The following ELOVL7 variants were observed in gnomAD, a reference collection of about 807,000 sequenced individuals.
The protein encoded by ELOVL7 is ELOVL fatty acid elongase 7, also known as very long chain fatty acid elongase 7.
Under a neutral mutation model 35.7 loss-of-function variants are expected in ELOVL7, and 27 were observed. The ratio of observed to expected loss-of-function variants is 0.76; its 90% CI spans 0.56 to 1.04. The LOEUF is 1.04. Ranked by LOEUF, ELOVL7 falls within the 50% of genes least tolerant of loss-of-function variation. ELOVL7 has a pLI of 0.00. For synonymous variants in ELOVL7, 113 were observed against 114.6 expected (o/e 0.99, Z 0.09); for missense variants, 327 against 340.8 (o/e 0.96, Z 0.32).
Position 60,787,434 on chromosome 5 carries a change from T to C in ELOVL7, c.-34-3A>G, listed in dbSNP as rs751863850. On this transcript the variant is annotated splice_polypyrimidine_tract_variant and splice_region_variant and intron_variant, in intron 2 of 8. Coordinates refer to ENST00000508821, the MANE Select transcript of ELOVL7 (RefSeq NM_024930.3). The stretch of plus-strand genomic sequence containing the variant: ...TTTACTGGCTCTTTTAATGGGTTCT[T>C]CAGTAAAATAAAACAGAAATGAGTT... 2 of 1,480,000 alleles carry C rather than the reference T, an allele frequency of 1.4e-6. No homozygotes were observed. The highest frequency in any genetic ancestry group is 1.3e-5 in the South Asian group (1 of 79,432). The allele number at this position is 1,480,000 out of a possible 1,614,324, so 91.7% of individuals were successfully genotyped here.
At chr5:60,778,839 G>T (rs1001671717) in intron 3 of ELOVL7, among the ~76,000 whole-genome samples, 6 of 152,152 alleles carry the variant, frequency 3.9e-5, no homozygotes, top group African/African-American at 1.4e-4. Context: ...TCTCATCTGA[G>T]ACAAGGCAAG....
intron 1 of ELOVL7, among the ~76,000 whole-genome samples, chr5:60,819,355 G>A (rs552691478): frequency 6.6e-6 from 1 of 152,164 alleles, no homozygotes; most frequent in East Asian, 1.9e-4. Flanking sequence ...ATGTACTGAC[G>A]GTTAGAAGAA....
intron 2 of ELOVL7, among the ~76,000 whole-genome samples, chr5:60,789,589 T>C (rs543275301): frequency 6.6e-6 from 1 of 152,322 alleles, no homozygotes; most frequent in South Asian, 2.1e-4. Context: ...ATGCATACTT[T>C]TAACACAGCA....
chr5:60,781,233 A>G (rs963597458), intron 3 of ELOVL7, among the ~76,000 whole-genome samples: 1 of 151,542 alleles, frequency 6.6e-6, no homozygotes, highest in African/African-American at 2.4e-5. Flanking sequence ...AAAAGGAAAG[A>G]AAAACAAAAT....
chr5:60,754,436 G>A lies in ELOVL7; in HGVS notation c.*188C>T, dbSNP rs1741409165. 1.7e-6 allele frequency: 1 copy of A among 581,924 alleles called. No individual in the cohort carries two copies. The highest frequency in any genetic ancestry group is 3.0e-6 in the Non-Finnish European group (1 of 331,120). The allele number at this position is 581,924 out of a possible 1,614,324, so 36.0% of individuals were successfully genotyped here. On this transcript the variant is annotated 3_prime_UTR_variant, in exon 9 of 9. Transcript: ENST00000508821. ...ACAAAAACAAATTCTGGCTGCTGTA[G>A]GCTCTAATTATCAGAAGACTGTTAT...
intron 7 of ELOVL7, among the ~76,000 whole-genome samples, chr5:60,760,739 C>T (rs1741858846): frequency 6.6e-6 from 1 of 152,086 alleles, no homozygotes; most frequent in Non-Finnish European, 1.5e-5. Context: ...AATGGTAATG[C>T]TTAGGTTTTC....
chr5:60,772,139 G>A (rs750688734), intron 3 of ELOVL7, 46 bp from the exon 4 acceptor site: 1 of 1,290,690 alleles, frequency 7.7e-7, no homozygotes, highest in Non-Finnish European at 1.1e-6. Context: ...TAGCCAAGGG[G>A]TAACTAACAG....
intron 1 of ELOVL7, among the ~76,000 whole-genome samples, chr5:60,810,468 T>TAG (rs891744690): frequency 1.7e-4 from 26 of 152,240 alleles, no homozygotes; most frequent in African/African-American, 5.5e-4. Context: ...GAATTCATGT[T>TAG]AGAAACATTA....
At chr5:60,773,587 C>A (rs934039192) in intron 3 of ELOVL7, among the ~76,000 whole-genome samples, 2 of 152,078 alleles carry the variant, frequency 1.3e-5, no homozygotes, top group Admixed American at 1.3e-4. Context: ...GCCAAAGAGT[C>A]AAGAGTCAGC....
intron 8 of ELOVL7, 38 bp from the exon 9 acceptor site, chr5:60,754,871 T>G: frequency 1.3e-6 from 2 of 1,573,210 alleles, no homozygotes; most frequent in Non-Finnish European, 1.7e-6. Context: ...TATTCAGATA[T>G]GAAGAGTTAA....
chr5:60,771,761 T>C, intron 4 of ELOVL7, 142 bp downstream of exon 4: 1 of 583,356 alleles, frequency 1.7e-6, no homozygotes, highest in Non-Finnish European at 3.0e-6. Flanking sequence ...CCTAACACTA[T>C]TTTGGCAAAT....
At chr5:60,757,046 C>A (rs144686279) in intron 8 of ELOVL7, among the ~76,000 whole-genome samples, 1 of 151,996 alleles carries the variant, frequency 6.6e-6, no homozygotes, top group South Asian at 2.1e-4. Context: ...TAACCCTCTA[C>A]GTTTTTAATT....
chr5:60,822,469 G>T (rs561930791), intron 1 of ELOVL7, among the ~76,000 whole-genome samples: 41 of 152,292 alleles, frequency 2.7e-4, no homozygotes, highest in Non-Finnish European at 5.0e-4. Context: ...ACCGAGTGGG[G>T]TTTAATTCCA....
intron 3 of ELOVL7, among the ~76,000 whole-genome samples, chr5:60,777,522 T>C (rs1742979435): frequency 6.6e-6 from 1 of 152,056 alleles, no homozygotes; most frequent in Non-Finnish European, 1.5e-5. Flanking sequence ...TTTAAAACAT[T>C]CATATGAAGT....
chr5:60,787,378 G>T lies in ELOVL7; in HGVS notation c.20C>A (p.Thr7Lys). MAFSDL[T>K]SRTVHLYDNW... ...ATCATAAAGATGCACAGTCCTCGAT[G>T]TAAGATCACTGAAGGCCATTTTCCA... The change falls in exon 3 of 9, where the codon ACA becomes AAA. Residue 7 changes from threonine (T) to lysine (K), a missense_variant. Transcript: ENST00000508821. 6.2e-7 allele frequency: 1 copy of T among 1,603,722 alleles called. No individual in the cohort carries two copies. The highest frequency in any genetic ancestry group is 1.7e-5 in the Admixed American group (1 of 57,940).
chr5:60,784,183 A>G, intron 3 of ELOVL7: 1 of 1,465,480 alleles, frequency 6.8e-7, no homozygotes. Flanking sequence ...GTACATCTTT[A>G]AGATTCCAAG....
intron 1 of ELOVL7, among the ~76,000 whole-genome samples, chr5:60,829,105 G>GT (rs1461774191): frequency 2.6e-5 from 4 of 151,870 alleles, no homozygotes; most frequent in African/African-American, 9.7e-5. Flanking sequence ...TATAATAAGA[G>GT]TTTTTTAAGA....
intron 3 of ELOVL7, among the ~76,000 whole-genome samples, chr5:60,780,114 C>CTTTT (rs59345433): frequency 1.6e-5 from 2 of 124,334 alleles, no homozygotes; most frequent in African/African-American, 3.4e-5. Context: ...CAAACTTTCC[C>CTTTT]TTTTTTTTTT....
intron 1 of ELOVL7, chr5:60,802,624 A>T (rs1344115517): frequency 6.6e-6 from 1 of 152,214 alleles, no homozygotes; most frequent in African/African-American, 2.4e-5. Flanking sequence ...GATGTAAACT[A>T]ACCTTTTATA....
Sources: gnomAD v4.1 joint callset for allele counts (sites outside exome capture counted in the v4.1 genomes callset) on GRCh38, gnomAD v4.1.1 for gene constraint, MANE v1.5 for transcripts, NCBI Gene and HGNC (gene_info 2026-07-23, HGNC 2026-07-21) for gene names.